The following GSTCD variants were observed in gnomAD, a reference collection of about 807,000 sequenced individuals.
The protein encoded by GSTCD is glutathione S-transferase C-terminal domain-containing protein.
In GSTCD, 44 loss-of-function variants were observed where a neutral mutation model predicts 68.3. The observed-to-expected ratio is 0.64, with a 90% confidence interval of 0.51 to 0.83. GSTCD has a LOEUF of 0.83. Among genes scored for constraint, GSTCD ranks in the 40% least tolerant of loss-of-function variants. GSTCD has a pLI of 0.00. For missense variants in GSTCD, 739 were observed against 735.9 expected (o/e 1.00, Z -0.05); for synonymous variants, 273 against 255.2 (o/e 1.07, Z -0.67).
At chr4:105,834,663 A>G (rs1462725410) in intron 9 of GSTCD, 69 bp downstream of exon 9, 68 of 1,409,124 alleles carry the variant, frequency 4.8e-5, no homozygotes, top group Middle Eastern at 1.9e-4. Flanking sequence ...CTTGTTTGAT[A>G]TAAAGTTGCA....
At chr4:105,709,384 A>G (rs973113053) in intron 1 of GSTCD, among the ~76,000 whole-genome samples, 2 of 152,082 alleles carry the variant, frequency 1.3e-5, no homozygotes, top group Admixed American at 6.5e-5. Context: ...GGGTCACACT[A>G]ACTTCTCTTC....
intron 5 of GSTCD, chr4:105,807,374 G>A (rs1560838883): frequency 6.6e-6 from 1 of 151,978 alleles, no homozygotes; most frequent in African/African-American, 2.4e-5. Context: ...GGAATACACT[G>A]CCTGTATTGA....
chr4:105,721,985 G>A (rs1732870548), intron 3 of GSTCD, among the ~76,000 whole-genome samples: 1 of 152,070 alleles, frequency 6.6e-6, no homozygotes, highest in Non-Finnish European at 1.5e-5. Context: ...AATACTAGAA[G>A]ATTGTATATT....
At chr4:105,718,135 GTTTA>G (rs1202783952) in intron 2 of GSTCD, 96 bp downstream of exon 2, 1 of 1,010,698 alleles carries the variant, frequency 9.9e-7, no homozygotes, top group Non-Finnish European at 1.4e-6. Context: ...AGGAATAAAA[GTTTA>G]TTTATTTTAA....
chr4:105,731,627 C>T (rs75457293), intron 5 of GSTCD, among the ~76,000 whole-genome samples: 3 of 152,068 alleles, frequency 2.0e-5, no homozygotes, highest in Non-Finnish European at 2.9e-5. Context: ...GAGATTTTGG[C>T]CAGAGACAAT....
chr4:105,823,364 T>C, intron 7 of GSTCD, 89 bp downstream of exon 7: 1 of 1,076,970 alleles, frequency 9.3e-7, no homozygotes, highest in South Asian at 1.3e-5. Context: ...TTGGAGTTTC[T>C]AGTCACTCAC....
intron 2 of GSTCD, 112 bp from the exon 3 acceptor site, chr4:105,718,948 G>A (rs1023013926): frequency 9.1e-6 from 7 of 771,562 alleles, no homozygotes; most frequent in African/African-American, 1.8e-5. Flanking sequence ...TAAAAGCCTA[G>A]CCCAGGGATG....
intron 5 of GSTCD, among the ~76,000 whole-genome samples, chr4:105,792,512 AGTCG>A (rs1156808428): frequency 6.6e-6 from 1 of 152,076 alleles, no homozygotes; most frequent in African/African-American, 2.4e-5. Context: ...TGGAGAAATC[AGTCG>A]TAGTCAATAC....
intron 5 of GSTCD, among the ~76,000 whole-genome samples, chr4:105,800,006 A>G (rs545613405): frequency 6.6e-6 from 1 of 152,264 alleles, no homozygotes; most frequent in South Asian, 2.1e-4. Context: ...AAAATTCTTC[A>G]TTGACATGGC....
intron 1 of GSTCD, among the ~76,000 whole-genome samples, chr4:105,715,334 T>A (rs1318592729): frequency 5.9e-5 from 9 of 152,180 alleles, no homozygotes; most frequent in Non-Finnish European, 8.8e-5. Context: ...TGATCTTTAA[T>A]AAATACCTTT....
chr4:105,789,580 C>G (rs80281217), intron 5 of GSTCD, among the ~76,000 whole-genome samples: 1 of 151,978 alleles, frequency 6.6e-6, no homozygotes, highest in Non-Finnish European at 1.5e-5. Flanking sequence ...CTGAGAGCAT[C>G]GCAGTTGGCT....
rs897169339 is a variant in GSTCD, at chr4:105,762,190, G to A, written c.1240+32691G>A. ...ATGATTCAGATTGGGGCTGTCAGCC[G>A]TATGGTGGGCACCCTAACTGAAGGA... On this transcript the variant is annotated intron_variant, in intron 5 of 11. Coordinates refer to ENST00000515279, the MANE Select transcript of GSTCD (RefSeq NM_001370181.1). 1.2e-3 allele frequency among the ~76,000 whole-genome samples: 179 copies of A among 152,314 alleles called. 1 individual carries two copies. The highest frequency in any genetic ancestry group is 3.9e-3 in the African/African-American group (160 of 41,556).
intron 7 of GSTCD, 98 bp from the exon 8 acceptor site, chr4:105,825,574 G>C: frequency 2.9e-6 from 2 of 699,378 alleles, no homozygotes; most frequent in Admixed American, 4.8e-5. Flanking sequence ...AATATAATAC[G>C]TTCTACATTA....
chr4:105,737,060 A>G (rs4699199), intron 5 of GSTCD, among the ~76,000 whole-genome samples: 2 of 152,114 alleles, frequency 1.3e-5, no homozygotes, highest in Non-Finnish European at 2.9e-5. Flanking sequence ...ATGTAAGGGC[A>G]GATATCTCTT....
intron 5 of GSTCD, among the ~76,000 whole-genome samples, chr4:105,735,010 C>T (rs1733407183): frequency 6.6e-6 from 1 of 152,138 alleles, no homozygotes; most frequent in African/African-American, 2.4e-5. Flanking sequence ...TGTTGAACAG[C>T]AAATGTTGCT....
At chr4:105,732,794 T>G (rs558310443) in intron 5 of GSTCD, among the ~76,000 whole-genome samples, 1 of 152,352 alleles carries the variant, frequency 6.6e-6, no homozygotes, top group African/African-American at 2.4e-5. Flanking sequence ...GGATGTCAAT[T>G]TTAGATCTTT....
chr4:105,735,559 C>T (rs1037807469), intron 5 of GSTCD, among the ~76,000 whole-genome samples: 7 of 152,116 alleles, frequency 4.6e-5, no homozygotes, highest in African/African-American at 9.7e-5. Flanking sequence ...CCCAATTTTC[C>T]GGGTGCTGTG....
At chr4:105,793,521 A>G (rs753877430) in intron 5 of GSTCD, among the ~76,000 whole-genome samples, 1 of 151,962 alleles carries the variant, frequency 6.6e-6, no homozygotes, top group Non-Finnish European at 1.5e-5. Flanking sequence ...CATTCTTAAA[A>G]ATGCCTATTT....
At chr4:105,741,089 A>G (rs913936548) in intron 5 of GSTCD, among the ~76,000 whole-genome samples, 1 of 152,118 alleles carries the variant, frequency 6.6e-6, no homozygotes, top group Non-Finnish European at 1.5e-5. Flanking sequence ...ATTTAGCCAT[A>G]TATAATTCTT....
Sources: allele counts gnomAD v4.1 joint callset (sites outside exome capture counted in the v4.1 genomes callset), GRCh38; gene constraint gnomAD v4.1.1; transcripts MANE v1.5; gene names NCBI Gene and HGNC (gene_info 2026-07-23, HGNC 2026-07-21).